Variants in KIF13A observed in about 807,000 individuals in gnomAD.
The protein encoded by KIF13A is kinesin-like protein KIF13A.
A neutral mutation model predicts 212.2 loss-of-function variants in KIF13A; 79 were observed. The ratio of observed to expected loss-of-function variants is 0.37; its 90% CI spans 0.31 to 0.45. KIF13A has a LOEUF of 0.45. KIF13A is among the 20% of genes least tolerant of loss of function. The probability of loss-of-function intolerance (pLI) is 1.00; values close to 1 mark genes in which losing one functional copy is unlikely to be tolerated. For synonymous variants in KIF13A, 789 were observed against 808.6 expected, an observed-to-expected ratio of 0.98 and a Z score of 0.41; for missense variants, 1,901 against 2,209.0, an observed-to-expected ratio of 0.86 and a Z score of 2.79.
At chr6:17,827,293 C>T (rs764645197) in intron 14 of KIF13A, among the ~76,000 whole-genome samples, 21 of 151,760 alleles carry the variant, frequency 1.4e-4, no homozygotes, top group South Asian at 2.1e-4. Context: ...TAGGGGGTTT[C>T]GCCATGTTGC....
intron 38 of KIF13A, chr6:17,770,445 T>C (rs1367952916): frequency 1.3e-5 from 2 of 151,626 alleles, no homozygotes; most frequent in Non-Finnish European, 2.9e-5. Flanking sequence ...TAAAACTGTA[T>C]CTCAAATTAA....
At chr6:17,958,336 T>C (rs1778527578) in intron 2 of KIF13A, among the ~76,000 whole-genome samples, 1 of 152,246 alleles carries the variant, frequency 6.6e-6, no homozygotes, top group Non-Finnish European at 1.5e-5. Flanking sequence ...TCCATTCCTC[T>C]CAGCAGTAAT....
At chr6:17,858,081 A>ATGTG (rs58092993) in intron 4 of KIF13A, among the ~76,000 whole-genome samples, 2,878 of 144,648 alleles carry the variant, frequency 0.02, 34 homozygotes, top group Admixed American at 0.045. Flanking sequence ...TCAAATAGTT[A>ATGTG]TGTGTGTGTG....
intron 2 of KIF13A, among the ~76,000 whole-genome samples, chr6:17,960,022 CA>C (rs200745950): frequency 0.014 from 1,716 of 126,758 alleles, 21 homozygotes; most frequent in African/African-American, 0.044. Context: ...AACTCCACCT[CA>C]AAAAAAAAAA....
intron 2 of KIF13A, among the ~76,000 whole-genome samples, chr6:17,985,632 C>CGGGGGGGGGGGG (rs1554128614): frequency 5.2e-5 from 2 of 38,194 alleles, no homozygotes; most frequent in Admixed American, 3.2e-4. Context: ...ATGCAGTTTG[C>CGGGGGGGGGGGG]GGGGGGGTGG....
At chr6:17,936,500 CAT>C (rs147479800) in intron 2 of KIF13A, 2,198 of 154,502 alleles carry the variant, frequency 0.014, 54 homozygotes, top group African/African-American at 0.05. Flanking sequence ...CACACACACA[CAT>C]GTGCAAGTGC....
chr6:17,782,217 G>A (rs1444113531), intron 29 of KIF13A, among the ~76,000 whole-genome samples: 4 of 152,084 alleles, frequency 2.6e-5, no homozygotes, highest in South Asian at 2.1e-4. Context: ...TTACAGGCAT[G>A]AGCCAACATA....
intron 35 of KIF13A, among the ~76,000 whole-genome samples, chr6:17,774,567 A>G (rs1353108398): frequency 6.6e-6 from 1 of 152,194 alleles, no homozygotes; most frequent in Non-Finnish European, 1.5e-5. Flanking sequence ...TGAGGTCAGA[A>G]GTTCGAGACC....
At chr6:17,815,615 G>T in intron 17 of KIF13A, 1 of 441,274 alleles carries the variant, frequency 2.3e-6, no homozygotes, top group Non-Finnish European at 4.6e-6. Context: ...ATCTCTGTAT[G>T]GCTGGTTTTT....
chr6:17,969,846 C>T (rs1367018987), intron 2 of KIF13A, among the ~76,000 whole-genome samples: 1 of 152,000 alleles, frequency 6.6e-6, no homozygotes, highest in Admixed American at 6.5e-5. Context: ...ATTCTAGTTT[C>T]CTTTGAATTT....
In KIF13A at chr6:17,799,202, G is replaced by T; in HGVS notation, c.2790+64C>A. 8.7e-7 allele frequency: 1 copy of T among 1,146,246 alleles called. No homozygotes were observed. Among genetic ancestry groups the T allele is most frequent in the Non-Finnish European group, 1.2e-6 (1 of 849,876 alleles). The allele number at this position is 1,146,246 out of a possible 1,614,324, so 71.0% of individuals were successfully genotyped here. On this transcript the variant is annotated intron_variant, in intron 22 of 38. Transcript: ENST00000259711. The surrounding 1 kb of genome is among the most constrained non-coding windows in gnomAD (Gnocchi z 4.4). ...AAAACAAATGCTTGTGGGGACAACTGATTGTTGAACTGCACCAATTTCTGC... is the reference window on the plus strand; with the variant it reads ...AAAACAAATGCTTGTGGGGACAACTTATTGTTGAACTGCACCAATTTCTGC...
rs760297020 is a variant in KIF13A at position 17,987,047 on chromosome 6, G to A, written c.146+7C>T. On this transcript the variant is annotated splice_region_variant and intron_variant, in intron 2 of 38. Coordinates refer to ENST00000259711, the MANE Select transcript of KIF13A (RefSeq NM_022113.6). The surrounding 1 kb of genome is among the most constrained non-coding windows in gnomAD (Gnocchi z 7.7). ...CCTCCCAGCCGCCCTCTCGGAACCCGCTTTACCTTTCTCCCTGTTTGGTGT... is the reference window on the plus strand; with the variant it reads ...CCTCCCAGCCGCCCTCTCGGAACCCACTTTACCTTTCTCCCTGTTTGGTGT... 5.6e-6 allele frequency: 9 copies of A among 1,610,714 alleles called. No individual in the cohort carries two copies. The highest frequency in any genetic ancestry group is 3.3e-5 in the Admixed American group (2 of 60,004).
At chr6:17,932,501 A>G (rs1474928040) in intron 2 of KIF13A, among the ~76,000 whole-genome samples, 1 of 152,208 alleles carries the variant, frequency 6.6e-6, no homozygotes, top group African/African-American at 2.4e-5. Context: ...AAAATAAGGA[A>G]CATCTGCATT....
chr6:17,924,591 C>A (rs558820751), intron 2 of KIF13A, among the ~76,000 whole-genome samples: 1 of 152,116 alleles, frequency 6.6e-6, no homozygotes, highest in Non-Finnish European at 1.5e-5. Context: ...GGGGAAGCAC[C>A]TCTTAAAGCT....
intron 17 of KIF13A, among the ~76,000 whole-genome samples, chr6:17,815,017 T>C (rs1763799832): frequency 6.6e-6 from 1 of 152,112 alleles, no homozygotes. Flanking sequence ...CTGTTATTTA[T>C]TGGATACAAG....
At chr6:17,954,478 G>C (rs1359385458) in intron 2 of KIF13A, among the ~76,000 whole-genome samples, 1 of 151,996 alleles carries the variant, frequency 6.6e-6, no homozygotes, top group Non-Finnish European at 1.5e-5. Context: ...TAAGCTACCA[G>C]TGTTACATTT....
At chr6:17,911,620 C>CA (rs1298816409) in intron 2 of KIF13A, among the ~76,000 whole-genome samples, 1 of 149,486 alleles carries the variant, frequency 6.7e-6, no homozygotes, top group Non-Finnish European at 1.5e-5. Flanking sequence ...CTCATAGACT[C>CA]AGAGTGTAGA....
rs113520529 is a variant in KIF13A at position 17,934,732 on chromosome 6, G to A, written c.147-36552C>T. On this transcript the variant is annotated intron_variant, in intron 2 of 38. Coordinates refer to ENST00000259711, the MANE Select transcript of KIF13A (RefSeq NM_022113.6). The surrounding 1 kb of genome is among the most constrained non-coding windows in gnomAD (Gnocchi z 5.4). ...GAGCCCAGGAGGTAGAGGCTGTGGTGAGCCATGACTGCACCACTGACTCCA... is the reference window on the plus strand; with the variant it reads ...GAGCCCAGGAGGTAGAGGCTGTGGTAAGCCATGACTGCACCACTGACTCCA... 7.9e-5 allele frequency among the ~76,000 whole-genome samples: 12 copies of A among 151,056 alleles called. No homozygotes were observed. Among genetic ancestry groups the A allele is most frequent in the African/African-American group, 2.9e-4 (12 of 41,136 alleles).
intron 16 of KIF13A, among the ~76,000 whole-genome samples, chr6:17,817,578 G>A (rs1048267881): frequency 2.2e-4 from 33 of 152,184 alleles, no homozygotes; most frequent in African/African-American, 7.2e-4. Flanking sequence ...AAAACTTCAC[G>A]AAATCTAGGA....
Sources: gnomAD v4.1 joint callset for allele counts (sites outside exome capture counted in the v4.1 genomes callset) on GRCh38, gnomAD v4.1.1 for gene constraint, Gnocchi (gnomAD v3.1) non-coding constraint, MANE v1.5 for transcripts, NCBI Gene and HGNC (gene_info 2026-07-23, HGNC 2026-07-21) for gene names.